The following NTNG1 variants were observed in gnomAD, a reference collection of about 807,000 sequenced individuals.
NTNG1 encodes the protein netrin G1.
A neutral mutation model predicts 54.0 loss-of-function variants in NTNG1; 16 were observed. The ratio of observed to expected loss-of-function variants is 0.30; its 90% CI spans 0.20 to 0.45. The LOEUF (loss-of-function observed/expected upper bound fraction) is 0.45. Among genes scored for constraint, NTNG1 ranks in the 20% least tolerant of loss-of-function variants. The pLI is 1.00. For missense variants in NTNG1, 530 were observed against 678.7 expected (o/e 0.78, Z 2.43); for synonymous variants, 255 against 263.1 (o/e 0.97, Z 0.30).
At chr1:107,345,677 G>A (rs372701956) in intron 3 of NTNG1, among the ~76,000 whole-genome samples, 8 of 152,164 alleles carry the variant, frequency 5.3e-5, no homozygotes, top group African/African-American at 1.4e-4. Context: ...TGTATTTTAC[G>A]TGCAGCCTTT....
At chr1:107,247,200 G>A (rs115725325) in intron 2 of NTNG1, among the ~76,000 whole-genome samples, 2,342 of 152,240 alleles carry the variant, frequency 0.015, 56 homozygotes, top group African/African-American at 0.054. Context: ...GGGACTTGTC[G>A]CACCATTAAT....
chr1:107,350,415 A>G (rs1205841125), intron 3 of NTNG1, among the ~76,000 whole-genome samples: 1 of 152,092 alleles, frequency 6.6e-6, no homozygotes, highest in Non-Finnish European at 1.5e-5. Flanking sequence ...CTTTATGATG[A>G]TTATGTTTTT....
At chr1:107,145,015 A>G (rs1372422551) in intron 1 of NTNG1, among the ~76,000 whole-genome samples, 1 of 152,012 alleles carries the variant, frequency 6.6e-6, no homozygotes, top group Non-Finnish European at 1.5e-5. Context: ...AGGCCACGTC[A>G]CTTCACAATT....
intron 3 of NTNG1, among the ~76,000 whole-genome samples, chr1:107,348,752 T>C (rs1271180791): frequency 6.6e-6 from 1 of 152,234 alleles, no homozygotes; most frequent in Admixed American, 6.5e-5. Context: ...CTTAGGATAA[T>C]GCTGATAATG....
intron 2 of NTNG1, among the ~76,000 whole-genome samples, chr1:107,258,792 G>C (rs1663106156): frequency 6.6e-6 from 1 of 152,190 alleles, no homozygotes; most frequent in African/African-American, 2.4e-5. Context: ...GCCCACTTTG[G>C]CAGGCGCAAT....
At chr1:107,334,570 G>A (rs569276422) in intron 3 of NTNG1, among the ~76,000 whole-genome samples, 5 of 151,592 alleles carry the variant, frequency 3.3e-5, no homozygotes, top group Admixed American at 6.6e-5. Flanking sequence ...CAGGGTGTAC[G>A]CCACATAGAG....
intron 3 of NTNG1, among the ~76,000 whole-genome samples, chr1:107,382,943 A>G (rs1254046979): frequency 1.3e-5 from 2 of 152,200 alleles, no homozygotes; most frequent in Non-Finnish European, 2.9e-5. Context: ...GAGAATTAGA[A>G]GAAAGCTATT....
chr1:107,174,683 T>C (rs1023449001), intron 2 of NTNG1, among the ~76,000 whole-genome samples: 2 of 151,938 alleles, frequency 1.3e-5, no homozygotes, highest in Non-Finnish European at 2.9e-5. Context: ...TAGAACCTCC[T>C]AGGGTGTTTT....
chr1:107,210,366 G>C (rs1236105522), intron 2 of NTNG1, among the ~76,000 whole-genome samples: 1 of 152,152 alleles, frequency 6.6e-6, no homozygotes, highest in South Asian at 2.1e-4. Context: ...CTTGAATTAA[G>C]GCAGTGGTCC....
chr1:107,299,401 C>T (rs1483178745), intron 2 of NTNG1, among the ~76,000 whole-genome samples: 1 of 151,996 alleles, frequency 6.6e-6, no homozygotes, highest in Non-Finnish European at 1.5e-5. Flanking sequence ...TTTCTTCCTT[C>T]GTAGCACATA....
intron 7 of NTNG1, among the ~76,000 whole-genome samples, chr1:107,464,966 G>A (rs1374845668): frequency 1.3e-5 from 2 of 152,032 alleles, no homozygotes; most frequent in African/African-American, 4.8e-5. Flanking sequence ...TCTCCAGGTC[G>A]GCCCAACCCC....
At chr1:107,299,816 TG>T (rs1666212029) in intron 2 of NTNG1, among the ~76,000 whole-genome samples, 1 of 152,072 alleles carries the variant, frequency 6.6e-6, no homozygotes, top group African/African-American at 2.4e-5. Flanking sequence ...TGCGGTATAG[TG>T]GATAGACTGT....
At position 107,233,048 on chromosome 1, in the gene NTNG1, C is replaced by T. The variant is rs1379613066; in HGVS notation, c.246+84209C>T. Among the ~76,000 whole-genome samples, 4 of 152,288 alleles carry T rather than the reference C, an allele frequency of 2.6e-5. No homozygotes were observed. The East Asian group carries it at 7.7e-4, about 29-fold the overall frequency. On this transcript the variant is annotated intron_variant, in intron 2 of 7. Transcript: ENST00000370068. ...TGCATTTCCTTTCAGAGACCACTAA[C>T]ATGTTCTACTTTTGTTTCAAGGTTG...
rs115099690 is a variant in NTNG1 at position 107,412,256 on chromosome 1, C to A, written c.1087+4548C>A. ...GTTAACTATGAATTCCTGTACTGTGCCAGTTACTTCAAGGATGTGGCTATC... is the reference window on the plus strand; with the variant it reads ...GTTAACTATGAATTCCTGTACTGTGACAGTTACTTCAAGGATGTGGCTATC... On this transcript the variant is annotated intron_variant, in intron 5 of 7. Transcript: ENST00000370068. Among the ~76,000 whole-genome samples the A allele has an allele frequency of 5.4e-3, 828 of 152,230 alleles. 5 individuals are homozygous for A. Among genetic ancestry groups the A allele is most frequent in the African/African-American group, 0.019 (789 of 41,544 alleles).
intron 2 of NTNG1, among the ~76,000 whole-genome samples, chr1:107,175,297 C>G (rs1047307690): frequency 6.6e-6 from 1 of 152,136 alleles, no homozygotes; most frequent in African/African-American, 2.4e-5. Flanking sequence ...AACTTTGCAT[C>G]AGAAAGCAAG....
chr1:107,191,144 T>C (rs1657889428), intron 2 of NTNG1, among the ~76,000 whole-genome samples: 1 of 152,346 alleles, frequency 6.6e-6, no homozygotes, highest in East Asian at 1.9e-4. Flanking sequence ...TGATATCTCA[T>C]TGTGGTTTTG....
chr1:107,398,562 G>A (rs1163915603), intron 4 of NTNG1, among the ~76,000 whole-genome samples: 1 of 152,140 alleles, frequency 6.6e-6, no homozygotes, highest in Non-Finnish European at 1.5e-5. Flanking sequence ...CCCAGTCTGT[G>A]AGACACACCA....
intron 3 of NTNG1, among the ~76,000 whole-genome samples, chr1:107,380,598 C>A (rs1557949617): frequency 2.6e-5 from 4 of 152,166 alleles, no homozygotes; most frequent in Non-Finnish European, 5.9e-5. Flanking sequence ...TTCAATAGTG[C>A]TAGCTAATTT....
At chr1:107,337,298 G>A (rs1668641426) in intron 3 of NTNG1, among the ~76,000 whole-genome samples, 1 of 151,940 alleles carries the variant, frequency 6.6e-6, no homozygotes, top group African/African-American at 2.4e-5. Flanking sequence ...AAGAAATTTT[G>A]ACACATGCTA....
Sources: gnomAD v4.1 joint callset for allele counts (sites outside exome capture counted in the v4.1 genomes callset) on GRCh38, gnomAD v4.1.1 for gene constraint, MANE v1.5 for transcripts, NCBI Gene and HGNC (gene_info 2026-07-23, HGNC 2026-07-21) for gene names.